Variants in DOCK3 observed in about 807,000 individuals in gnomAD.
DOCK3 encodes the protein dedicator of cytokinesis protein 3.
Under a neutral mutation model 265.6 loss-of-function variants are expected in DOCK3, and 60 were observed. The ratio of observed to expected loss-of-function variants is 0.23; its 90% CI spans 0.18 to 0.28. The LOEUF (loss-of-function observed/expected upper bound fraction) is 0.28. Ranked by LOEUF, DOCK3 falls within the 10% of genes least tolerant of loss-of-function variation. The probability of loss-of-function intolerance (pLI) is 1.00; values close to 1 mark genes in which losing one functional copy is unlikely to be tolerated. For missense variants in DOCK3, 1,981 were observed against 2,594.3 expected, an observed-to-expected ratio of 0.76 and a Z score of 5.14; for synonymous variants, 881 against 938.0, an observed-to-expected ratio of 0.94 and a Z score of 1.11.
chr3:50,983,932 T>C (rs1412303011), intron 5 of DOCK3, among the ~76,000 whole-genome samples: 2 of 152,156 alleles, frequency 1.3e-5, no homozygotes, highest in Admixed American at 6.5e-5. Context: ...TCTCCAGGCT[T>C]CCTGTTGCCA....
intron 2 of DOCK3, among the ~76,000 whole-genome samples, chr3:50,785,157 C>CA (rs937689732): frequency 7.9e-5 from 12 of 151,452 alleles, no homozygotes; most frequent in South Asian, 2.1e-4. Flanking sequence ...AACTCCATCT[C>CA]AAAAAAAAGG....
chr3:51,035,143 A>G (rs1205301643), intron 5 of DOCK3, among the ~76,000 whole-genome samples: 2 of 152,082 alleles, frequency 1.3e-5, no homozygotes, highest in Admixed American at 1.3e-4. Context: ...CCCTTCACCA[A>G]TATTGGGAAA....
chr3:51,010,025 G>C (rs958444886), intron 5 of DOCK3, among the ~76,000 whole-genome samples: 3 of 152,162 alleles, frequency 2.0e-5, no homozygotes, highest in African/African-American at 7.2e-5. Context: ...GCTGAGGAGT[G>C]CTTTACTTCC....
At chr3:51,130,871 C>G (rs146594226) in intron 9 of DOCK3, among the ~76,000 whole-genome samples, 2 of 152,190 alleles carry the variant, frequency 1.3e-5, no homozygotes, top group Admixed American at 1.3e-4. Context: ...CCACACCCAA[C>G]TAATATTTTG....
intron 10 of DOCK3, among the ~76,000 whole-genome samples, chr3:51,151,418 C>T (rs932819649): frequency 6.6e-6 from 1 of 152,098 alleles, no homozygotes; most frequent in Non-Finnish European, 1.5e-5. Flanking sequence ...ACATCCACAC[C>T]AAAACCCTAT....
rs1237959829 is a variant in DOCK3 at position 51,233,363 on chromosome 3, T to A, written c.1918-2982T>A. Among the ~76,000 whole-genome samples, 447 of 149,446 alleles carry A rather than the reference T, an allele frequency of 3.0e-3. 2 individuals are homozygous for A. The highest frequency in any genetic ancestry group is 0.011 in the African/African-American group (429 of 40,784). On this transcript the variant is annotated intron_variant, in intron 19 of 52. Transcript: ENST00000266037. ...CTATCTATCTATCTATCTATCTATTTATTTATTTATTTATTTATTTGAGAT... is the reference window on the plus strand; with the variant it reads ...CTATCTATCTATCTATCTATCTATTAATTTATTTATTTATTTATTTGAGAT...
intron 2 of DOCK3, among the ~76,000 whole-genome samples, chr3:50,819,337 C>T (rs2675830): frequency 1.1e-4 from 16 of 152,100 alleles, no homozygotes; most frequent in Admixed American, 1.0e-3. Context: ...GTTGGCTCTT[C>T]TGTAAGAACA....
chr3:51,137,802 A>G (rs1040546496), intron 9 of DOCK3, among the ~76,000 whole-genome samples: 2 of 152,248 alleles, frequency 1.3e-5, no homozygotes, highest in South Asian at 2.1e-4. Flanking sequence ...ACTGAAGAGT[A>G]AGAATTAACC....
At chr3:51,260,997 A>G (rs1228461248) in intron 23 of DOCK3, among the ~76,000 whole-genome samples, 2 of 151,458 alleles carry the variant, frequency 1.3e-5, no homozygotes, top group African/African-American at 4.9e-5. Context: ...AAAGAAAAAG[A>G]AAAAAAAAGA....
intron 4 of DOCK3, among the ~76,000 whole-genome samples, chr3:50,915,166 GT>G (rs1185225488): frequency 1.3e-5 from 2 of 152,024 alleles, no homozygotes; most frequent in African/African-American, 4.8e-5. Context: ...CAGGGAAGAG[GT>G]GTTCTGGAGG....
At chr3:50,714,348 T>C (rs1576201808) in intron 1 of DOCK3, among the ~76,000 whole-genome samples, 1 of 152,220 alleles carries the variant, frequency 6.6e-6, no homozygotes, top group African/African-American at 2.4e-5. Flanking sequence ...CCTGCTTACT[T>C]CACCAGCTTT....
chr3:50,749,865 G>A (rs1469945938), intron 1 of DOCK3, among the ~76,000 whole-genome samples: 1 of 152,182 alleles, frequency 6.6e-6, no homozygotes, highest in East Asian at 1.9e-4. Context: ...TAACTCCTTA[G>A]TTAATTTTCT....
At chr3:51,015,040 T>G (rs1329202958) in intron 5 of DOCK3, among the ~76,000 whole-genome samples, 1 of 152,040 alleles carries the variant, frequency 6.6e-6, no homozygotes, top group Non-Finnish European at 1.5e-5. Flanking sequence ...TTTTGTGGAG[T>G]TTTTAGGTTT....
At chr3:50,994,464 T>G (rs1236121221) in intron 5 of DOCK3, among the ~76,000 whole-genome samples, 3 of 152,174 alleles carry the variant, frequency 2.0e-5, no homozygotes, top group Non-Finnish European at 1.5e-5. Flanking sequence ...ATTTCAAAAC[T>G]GGTGTGATGT....
chr3:50,729,968 G>A (rs1262297060), intron 1 of DOCK3, among the ~76,000 whole-genome samples: 5 of 151,090 alleles, frequency 3.3e-5, no homozygotes, highest in African/African-American at 1.2e-4. Context: ...ACAAGTGCCT[G>A]CCATCACACC....
At position 51,264,437 on chromosome 3, in the gene DOCK3, C is replaced by T. The variant is rs181491895; in HGVS notation, c.2355+4111C>T. Among the ~76,000 whole-genome samples the T allele has an allele frequency of 5.9e-5, 9 of 152,268 alleles. No homozygotes were observed. The East Asian group carries it at 1.5e-3, about 26-fold the overall frequency. On this transcript the variant is annotated intron_variant, in intron 23 of 52. Transcript: ENST00000266037. ...AGAAATTTATAGCACTAAATGCCCA[C>T]AGGAGAAAGCGGGAAATATCTAAAA...
intron 7 of DOCK3, among the ~76,000 whole-genome samples, chr3:51,077,484 G>A (rs2082092959): frequency 6.6e-6 from 1 of 152,144 alleles, no homozygotes; most frequent in Admixed American, 6.5e-5. Context: ...AGCTAGAGCT[G>A]GAAGAGTGAA....
At position 51,361,848 on chromosome 3, in the gene DOCK3, C is replaced by T. The variant is rs761647476; in HGVS notation, c.5007-11C>T. ...GCCTGACTCCTCCCTATTTCCCACT[C>T]TTGCTCACAGCCCCATGAACTTGAT... On this transcript the variant is annotated splice_polypyrimidine_tract_variant and intron_variant, in intron 47 of 52. Transcript: ENST00000266037. This position sits in a 1 kb window ranked among gnomAD's most constrained non-coding sequence, Gnocchi z 4.2. 3.7e-6 allele frequency: 6 copies of T among 1,611,334 alleles called. No individual in the cohort carries two copies. The South Asian group carries it at 6.6e-5, about 18-fold the overall frequency.
chr3:50,745,000 C>A (rs2039331821), intron 1 of DOCK3, among the ~76,000 whole-genome samples: 1 of 152,094 alleles, frequency 6.6e-6, no homozygotes, highest in South Asian at 2.1e-4. Context: ...AAGTGTGAGT[C>A]CTCCAACTTT....
Sources: gnomAD v4.1 joint callset for allele counts (sites outside exome capture counted in the v4.1 genomes callset) on GRCh38, gnomAD v4.1.1 for gene constraint, Gnocchi (gnomAD v3.1) non-coding constraint, MANE v1.5 for transcripts, NCBI Gene and HGNC (gene_info 2026-07-23, HGNC 2026-07-21) for gene names.